Variants in SCFD2 observed in about 807,000 individuals in gnomAD.
SCFD2 encodes the protein sec1 family domain containing 2.
A neutral mutation model predicts 58.9 loss-of-function variants in SCFD2; 54 were observed. The observed-to-expected ratio is 0.92, with a 90% confidence interval of 0.74 to 1.15. The LOEUF (loss-of-function observed/expected upper bound fraction) is 1.15, where lower values mean the gene tolerates loss of function less well. SCFD2 is among the 50% of genes most tolerant of loss of function. The pLI is 0.00. For missense variants in SCFD2, 805 were observed against 836.6 expected (o/e 0.96, Z 0.47); for synonymous variants, 321 against 335.9 (o/e 0.96, Z 0.49).
chr4:53,150,211 A>G (rs1726464595), intron 4 of SCFD2, among the ~76,000 whole-genome samples: 1 of 152,216 alleles, frequency 6.6e-6, no homozygotes, highest in East Asian at 1.9e-4. Flanking sequence ...GAAGGGGAAA[A>G]GAAGAAAGTA....
intron 5 of SCFD2, among the ~76,000 whole-genome samples, chr4:52,996,954 A>G (rs1435346958): frequency 1.3e-5 from 2 of 152,250 alleles, no homozygotes; most frequent in Non-Finnish European, 2.9e-5. Context: ...ACTTGGTTGC[A>G]TGTGTGCATC....
At chr4:53,145,278 A>G (rs1348315273) in intron 5 of SCFD2, 55 bp downstream of exon 5, 1 of 1,587,994 alleles carries the variant, frequency 6.3e-7, no homozygotes, top group Non-Finnish European at 8.6e-7. Flanking sequence ...TTTATTTTGA[A>G]ACCTGTTTCG....
chr4:53,025,204 A>T (rs1310314880), intron 5 of SCFD2, among the ~76,000 whole-genome samples: 1 of 152,206 alleles, frequency 6.6e-6, no homozygotes, highest in Non-Finnish European at 1.5e-5. Flanking sequence ...TTGGTCATAT[A>T]ATACCACATT....
At chr4:53,202,735 C>A (rs1308922295) in intron 4 of SCFD2, among the ~76,000 whole-genome samples, 2 of 152,028 alleles carry the variant, frequency 1.3e-5, no homozygotes, top group Non-Finnish European at 2.9e-5. Flanking sequence ...TTAAAGAGGT[C>A]CTTCACATCC....
chr4:53,073,258 T>C (rs556853617), intron 5 of SCFD2, among the ~76,000 whole-genome samples: 10 of 152,234 alleles, frequency 6.6e-5, no homozygotes, highest in Non-Finnish European at 8.8e-5. Flanking sequence ...GCTAACACTA[T>C]GCCATTTTAT....
At chr4:52,999,303 G>C (rs1721813045) in intron 5 of SCFD2, among the ~76,000 whole-genome samples, 1 of 152,132 alleles carries the variant, frequency 6.6e-6, no homozygotes, top group African/African-American at 2.4e-5. Flanking sequence ...GAATGACCAT[G>C]AATCTACTCA....
intron 5 of SCFD2, among the ~76,000 whole-genome samples, chr4:53,007,404 A>AGGAAGGAG (rs1722001014): frequency 8.9e-6 from 1 of 111,948 alleles, no homozygotes; most frequent in African/African-American, 3.7e-5. Context: ...GAAGGAAGGA[A>AGGAAGGAG]GGGAGGGAGG....
At chr4:52,990,508 A>G (rs1721592494) in intron 5 of SCFD2, among the ~76,000 whole-genome samples, 1 of 152,248 alleles carries the variant, frequency 6.6e-6, no homozygotes, top group Non-Finnish European at 1.5e-5. Flanking sequence ...GGCTGCTTGC[A>G]AAGCCATAGG....
chr4:53,196,545 CTG>C (rs1167686967), intron 4 of SCFD2, among the ~76,000 whole-genome samples: 1 of 152,162 alleles, frequency 6.6e-6, no homozygotes, highest in Non-Finnish European at 1.5e-5. Context: ...TCGCGAGAGA[CTG>C]GAACTAATTT....
chr4:53,115,898 T>G (rs971047748), intron 5 of SCFD2, among the ~76,000 whole-genome samples: 4 of 152,182 alleles, frequency 2.6e-5, no homozygotes, highest in African/African-American at 9.6e-5. Flanking sequence ...AGAAGACCTA[T>G]GCTGTTTTAA....
intron 5 of SCFD2, among the ~76,000 whole-genome samples, chr4:53,087,786 G>A (rs748233128): frequency 1.2e-3 from 182 of 149,010 alleles, no homozygotes; most frequent in Middle Eastern, 3.6e-3. Flanking sequence ...TCAGCCTCCC[G>A]AGTAGCTGGG....
chr4:53,152,828 A>C (rs913068849), intron 4 of SCFD2, among the ~76,000 whole-genome samples: 6 of 152,232 alleles, frequency 3.9e-5, no homozygotes, highest in African/African-American at 1.4e-4. Context: ...AAAAAGGAGG[A>C]ATCAGCCAAA....
chr4:53,317,126 C>T (rs1016577937), intron 2 of SCFD2, among the ~76,000 whole-genome samples: 1 of 150,908 alleles, frequency 6.6e-6, no homozygotes, highest in Admixed American at 6.6e-5. Flanking sequence ...AAAAAAAATT[C>T]TGAATGTCTA....
In SCFD2 at chr4:52,882,490, G is replaced by C. The variant is rs575423097; in HGVS notation, c.1962+3257C>G. ...TCCTGGGTATGTCTGTGAAGGTGTTGCCAAAGGAGATTAACATTTGAGTCA... is the reference window on the plus strand; with the variant it reads ...TCCTGGGTATGTCTGTGAAGGTGTTCCCAAAGGAGATTAACATTTGAGTCA... On this transcript the variant is annotated intron_variant, in intron 8 of 8. Coordinates refer to ENST00000401642, the MANE Select transcript of SCFD2 (RefSeq NM_152540.4). Among the ~76,000 whole-genome samples the C allele has an allele frequency of 2.4e-4, 36 of 152,278 alleles. No homozygotes were observed. The South Asian group carries it at 2.5e-3, about 11-fold the overall frequency.
At chr4:52,957,182 G>A (rs1349261956) in intron 5 of SCFD2, 3 of 152,176 alleles carry the variant, frequency 2.0e-5, no homozygotes, top group Non-Finnish European at 4.4e-5. Context: ...AAAGAACGCA[G>A]TCTGGTTGCA....
chr4:53,068,967 T>G (rs919729471), intron 5 of SCFD2, among the ~76,000 whole-genome samples: 1 of 152,018 alleles, frequency 6.6e-6, no homozygotes, highest in African/African-American at 2.4e-5. Flanking sequence ...TAAGTAATAT[T>G]ACAATGTGTC....
At chr4:53,186,329 C>A (rs1338430242) in intron 4 of SCFD2, among the ~76,000 whole-genome samples, 1 of 152,018 alleles carries the variant, frequency 6.6e-6, no homozygotes, top group East Asian at 1.9e-4. Flanking sequence ...CCATAGTTCC[C>A]CCTAAAGCTC....
At chr4:53,144,420 TATATA>T (rs1361770141) in intron 5 of SCFD2, among the ~76,000 whole-genome samples, 1 of 149,314 alleles carries the variant, frequency 6.7e-6, no homozygotes, top group Non-Finnish European at 1.5e-5. Flanking sequence ...TATATGGACT[TATATA>T]TGATATATAT....
intron 2 of SCFD2, among the ~76,000 whole-genome samples, chr4:53,328,568 C>T (rs914395470): frequency 1.3e-5 from 2 of 152,036 alleles, no homozygotes; most frequent in African/African-American, 4.8e-5. Flanking sequence ...TTAGTTTATG[C>T]TAATATACAC....
Sources: allele counts gnomAD v4.1 joint callset (sites outside exome capture counted in the v4.1 genomes callset), GRCh38; gene constraint gnomAD v4.1.1; transcripts MANE v1.5; gene names NCBI Gene and HGNC (gene_info 2026-07-23, HGNC 2026-07-21).